The following CDC20B variants were observed in gnomAD, a reference collection of about 807,000 sequenced individuals.
The protein encoded by CDC20B is cell division cycle 20B.
CDC20B carries 58 observed loss-of-function variants against 64.1 expected under a neutral mutation model. The ratio of observed to expected loss-of-function variants is 0.90; its 90% CI spans 0.73 to 1.13. CDC20B has a LOEUF of 1.13. Among genes scored for constraint, CDC20B ranks in the 50% most tolerant of loss-of-function variants. The pLI, the probability that CDC20B is intolerant of heterozygous loss-of-function variation, is 0.00. For synonymous variants in CDC20B, 243 were observed against 230.6 expected (o/e 1.05, Z -0.49); for missense variants, 597 against 633.0 (o/e 0.94, Z 0.61).
At position 55,113,817 on chromosome 5, in the gene CDC20B, C is replaced by T. The variant is rs1173050312; in HGVS notation, c.*401G>A. On this transcript the variant is annotated 3_prime_UTR_variant, in exon 12 of 12. Transcript: ENST00000381375. ...CAATGTGTTGAGATTGAGCTAAAGA[C>T]AGGAAAGTATCTCAAAAGGGAACTA... 6.1e-6 allele frequency: 1 copy of T among 163,516 alleles called. No homozygotes were observed. The highest frequency in any genetic ancestry group is 1.3e-5 in the Non-Finnish European group (1 of 75,458). 10.1% of individuals were successfully genotyped at this position (163,516 alleles called of 1,614,324 possible). A position where few individuals can be genotyped will look rare whatever the true frequency, so the allele number is the denominator to read the frequency against.
At chr5:55,160,018 T>C (rs540252416) in intron 2 of CDC20B, 1 of 587,772 alleles carries the variant, frequency 1.7e-6, no homozygotes, top group South Asian at 2.3e-5. Flanking sequence ...GTAGAGCTCC[T>C]TGCTTCATTC....
At chr5:55,138,998 T>A (rs1419058140) in intron 5 of CDC20B, among the ~76,000 whole-genome samples, 1 of 150,956 alleles carries the variant, frequency 6.6e-6, no homozygotes, top group East Asian at 1.9e-4. Context: ...CCAAGAACTA[T>A]AGGATATGGA....
intron 2 of CDC20B, among the ~76,000 whole-genome samples, chr5:55,171,549 T>C (rs187114827): frequency 6.6e-6 from 1 of 152,284 alleles, no homozygotes; most frequent in East Asian, 1.9e-4. Context: ...ACATTAGTAA[T>C]CGAGTTCTGA....
intron 4 of CDC20B, among the ~76,000 whole-genome samples, chr5:55,141,280 G>T (rs1436845239): frequency 1.3e-4 from 20 of 152,188 alleles, no homozygotes; most frequent in Non-Finnish European, 1.2e-4. Context: ...TGCCTTCAGG[G>T]TCAGCAGCTT....
At position 55,114,290 on chromosome 5, in the gene CDC20B, A is replaced by C. The variant is rs1742575177; in HGVS notation, c.1488T>G (p.Ser496=). ...ACACCCGGGTCTGGTCTGGACTCAAAGACAGGTGCAGCACTCTGCCCCTGT... is the reference window on the plus strand; with the variant it reads ...ACACCCGGGTCTGGTCTGGACTCAACGACAGGTGCAGCACTCTGCCCCTGT... ...FGHRGRVLHL[S]LSPDQTRVFS... The change falls in exon 12 of 12, where the codon TCT becomes TCG. Residue 496 remains serine (S), a synonymous_variant. Coordinates refer to ENST00000381375, the MANE Select transcript of CDC20B (RefSeq NM_001170402.1). The surrounding 1 kb of genome is among the most constrained non-coding windows in gnomAD (Gnocchi z 4.1). The C allele has an allele frequency of 6.2e-7, 1 of 1,613,902 alleles. No individual in the cohort carries two copies. The highest frequency in any genetic ancestry group is 1.7e-5 in the Admixed American group (1 of 59,998).
intron 5 of CDC20B, 147 bp downstream of exon 5, chr5:55,140,167 A>G: frequency 2.1e-6 from 1 of 483,834 alleles, no homozygotes; most frequent in Non-Finnish European, 3.6e-6. Flanking sequence ...TAGTTAGAAC[A>G]GAGGATTATG....
chr5:55,164,317 A>T, intron 2 of CDC20B: 1 of 874,628 alleles, frequency 1.1e-6, no homozygotes, highest in Non-Finnish European at 1.6e-6. Context: ...TCACTCTGTC[A>T]CCCAGGCTGG....
At chr5:55,143,855 A>T (rs1026022912) in intron 3 of CDC20B, among the ~76,000 whole-genome samples, 1 of 152,118 alleles carries the variant, frequency 6.6e-6, no homozygotes, top group African/African-American at 2.4e-5. Flanking sequence ...ACAGAATCCT[A>T]TCCAGACTGC....
chr5:55,158,564 A>G (rs548739267), intron 2 of CDC20B, among the ~76,000 whole-genome samples: 2 of 152,298 alleles, frequency 1.3e-5, no homozygotes, highest in African/African-American at 4.8e-5. Context: ...AGCGGGAACC[A>G]GAAGAGCAGG....
chr5:55,170,597 A>G (rs913642990), intron 2 of CDC20B: 2 of 534,708 alleles, frequency 3.7e-6, no homozygotes, highest in Non-Finnish European at 3.8e-6. Flanking sequence ...CCAGCTAACA[A>G]TACACTGCCA....
chr5:55,161,113 C>G, intron 2 of CDC20B: 19 of 1,614,066 alleles, frequency 1.2e-5, no homozygotes, highest in Non-Finnish European at 1.6e-5. Flanking sequence ...CTTTTCCCTG[C>G]AATCAGTTTG....
At chr5:55,137,729 T>C in intron 5 of CDC20B, 2 of 454,636 alleles carry the variant, frequency 4.4e-6, no homozygotes, top group Middle Eastern at 3.3e-4. Context: ...TCAACCTAAG[T>C]ACAGCAAATG....
chr5:55,128,716 C>A (rs923750298), intron 6 of CDC20B, 99 bp from the exon 7 acceptor site: 22 of 816,244 alleles, frequency 2.7e-5, no homozygotes, highest in Non-Finnish European at 3.9e-5. Flanking sequence ...ATAATACCAT[C>A]CCCATGGTTA....
At chr5:55,160,843 T>G in intron 2 of CDC20B, 1 of 787,626 alleles carries the variant, frequency 1.3e-6, no homozygotes, top group Non-Finnish European at 1.9e-6. Flanking sequence ...GGTTACAGTT[T>G]TCAATAGAAC....
At chr5:55,164,202 A>G in intron 2 of CDC20B, 2 of 1,557,496 alleles carry the variant, frequency 1.3e-6, no homozygotes, top group Non-Finnish European at 1.7e-6. Context: ...ATCATAAAAA[A>G]GAAAGAGGAT....
intron 11 of CDC20B, among the ~76,000 whole-genome samples, chr5:55,118,637 G>A (rs1742677350): frequency 6.6e-6 from 1 of 152,248 alleles, no homozygotes; most frequent in South Asian, 2.1e-4. Context: ...AAGGTCCAGG[G>A]AATTGCATGT....
intron 2 of CDC20B, among the ~76,000 whole-genome samples, chr5:55,153,430 G>A (rs1466091300): frequency 6.6e-6 from 1 of 152,028 alleles, no homozygotes; most frequent in Non-Finnish European, 1.5e-5. Flanking sequence ...ACCAATACTT[G>A]TTAGTGATCT....
chr5:55,129,806 C>G (rs1016140305), intron 6 of CDC20B, among the ~76,000 whole-genome samples: 3 of 152,146 alleles, frequency 2.0e-5, no homozygotes, highest in African/African-American at 7.2e-5. Flanking sequence ...GAAACACCAC[C>G]CACAAATGGC....
chr5:55,123,459 C>T (rs1462153513), intron 9 of CDC20B, among the ~76,000 whole-genome samples: 1 of 152,076 alleles, frequency 6.6e-6, no homozygotes, highest in Non-Finnish European at 1.5e-5. Flanking sequence ...AATATTTTGG[C>T]AAAACTAGAA....
Sources: allele counts gnomAD v4.1 joint callset (sites outside exome capture counted in the v4.1 genomes callset), GRCh38; gene constraint gnomAD v4.1.1; non-coding constraint Gnocchi (gnomAD v3.1); transcripts MANE v1.5; gene names NCBI Gene and HGNC (gene_info 2026-07-23, HGNC 2026-07-21).